Variants in PMPCA observed in about 807,000 individuals in gnomAD.
PMPCA encodes the protein mitochondrial-processing peptidase subunit alpha.
In PMPCA, 47 loss-of-function variants were observed where a neutral mutation model predicts 59.3. The ratio of observed to expected loss-of-function variants is 0.79; its 90% confidence interval spans 0.63 to 1.01. PMPCA has a LOEUF of 1.01. PMPCA is among the 50% of genes least tolerant of loss of function. The pLI is 0.00. For missense variants in PMPCA, 726 were observed against 704.5 expected, an observed-to-expected ratio of 1.03 and a Z score of -0.34; for synonymous variants, 338 against 290.3, an observed-to-expected ratio of 1.16 and a Z score of -1.67.
intron 6 of PMPCA, chr9:136,416,613 C>T (rs913258929): frequency 1.4e-5 from 9 of 625,722 alleles, no homozygotes; most frequent in Non-Finnish European, 1.7e-5. Context: ...TCCCAAGTAG[C>T]TGGGATTACA....
intron 2 of PMPCA, 115 bp from the exon 3 acceptor site, chr9:136,412,375 C>A (rs972068745): frequency 2.7e-6 from 2 of 747,576 alleles, no homozygotes; most frequent in Admixed American, 2.2e-5. Flanking sequence ...AGCACAATCA[C>A]CCTCATGTAA....
intron 5 of PMPCA, among the ~76,000 whole-genome samples, chr9:136,414,977 A>C (rs1193992706): frequency 6.6e-6 from 1 of 152,044 alleles, no homozygotes; most frequent in Admixed American, 6.6e-5. Context: ...AGTCCTAGCT[A>C]CTCGGGAGGC....
intron 11 of PMPCA, 71 bp downstream of exon 11, chr9:136,419,177 T>TGGCC: frequency 7.6e-7 from 1 of 1,316,264 alleles, no homozygotes; most frequent in East Asian, 2.3e-5. Flanking sequence ...GTTGTAGGAG[T>TGGCC]GGCCACCTGT....
chr9:136,417,537 A>G (rs1297119771), intron 7 of PMPCA, among the ~76,000 whole-genome samples: 1 of 150,748 alleles, frequency 6.6e-6, no homozygotes, highest in Non-Finnish European at 1.5e-5. Flanking sequence ...CAGTGGTGCA[A>G]TCTCGGCTTA....
At chr9:136,412,271 G>T in intron 2 of PMPCA, 72 bp downstream of exon 2, 1 of 1,110,370 alleles carries the variant, frequency 9.0e-7, no homozygotes, top group East Asian at 2.4e-5. Flanking sequence ...ACTGTTAGTT[G>T]TAATTAGCAT....
At chr9:136,410,858 G>C in intron 1 of PMPCA, 119 bp downstream of exon 1, 1 of 845,968 alleles carries the variant, frequency 1.2e-6, no homozygotes, top group Non-Finnish European at 1.6e-6. Flanking sequence ...CGCACTTCGG[G>C]ACACTGGTGT....
rs368447845 is a variant in PMPCA, at chr9:136,414,635, C to T, written c.520C>T (p.Pro174Ser). 5 of 1,610,252 alleles carry T rather than the reference C, an allele frequency of 3.1e-6. No individual in the cohort carries two copies. Among genetic ancestry groups the T allele is most frequent in the African/African-American group, 1.3e-5 (1 of 74,972 alleles). Residue 174 changes from proline (P) to serine (S), a missense_variant, in exon 5 of 13, where the codon CCC becomes TCC. Transcript: ENST00000371717. Reference protein sequence around the residue: ...VALLADVVLQPRLTDEEVEMT... With the variant: ...VALLADVVLQSRLTDEEVEMT... The stretch of plus-strand genomic sequence containing the variant: ...CTTACTGGCTGATGTGGTTCTGCAG[C>T]CCCGGCTAACAGGTGTGGATCCCAG...
At chr9:136,422,275 A>G in intron 12 of PMPCA, 1 of 1,308,698 alleles carries the variant, frequency 7.6e-7, no homozygotes, top group Non-Finnish European at 9.9e-7. Flanking sequence ...CACTCAAGTT[A>G]GTAGGCGAGA....
intron 4 of PMPCA, 98 bp downstream of exon 4, chr9:136,412,990 G>T: frequency 1.3e-6 from 1 of 779,210 alleles, no homozygotes. Context: ...AGCGGGAGGT[G>T]TGGAGATTCA....
chr9:136,417,693 A>G (rs1226904514), intron 7 of PMPCA, among the ~76,000 whole-genome samples: 1 of 151,680 alleles, frequency 6.6e-6, no homozygotes, highest in South Asian at 2.1e-4. Flanking sequence ...TGACCTCATG[A>G]TCTACCTGCC....
At chr9:136,414,436 G>A in intron 4 of PMPCA, 117 bp from the exon 5 acceptor site, 1 of 720,144 alleles carries the variant, frequency 1.4e-6, no homozygotes. Context: ...CTGTTGAGCA[G>A]AGTGTGAGCT....
chr9:136,416,487 G>A (rs1157941261), intron 6 of PMPCA, 96 bp downstream of exon 6: 1 of 853,718 alleles, frequency 1.2e-6, no homozygotes, highest in African/African-American at 1.6e-5. Flanking sequence ...TGTTGTCCTT[G>A]CAGGTTATGG....
At chr9:136,415,974 C>T (rs1835261726) in intron 5 of PMPCA, 1 of 417,636 alleles carries the variant, frequency 2.4e-6, no homozygotes, top group African/African-American at 2.0e-5. Flanking sequence ...GGTCTCGTGT[C>T]CTCACAGCAG....
In PMPCA at chr9:136,418,859, C is replaced by T; in HGVS notation, c.1141C>T (p.His381Tyr). ...CTGGATGTATAACGCGACCTCCTAC[C>T]ACCACAGCTACGAGGACACTGGCCT... ...HHWMYNATSY[H>Y]HSYEDTGLLC... Residue 381 changes from histidine to tyrosine, a missense_variant, in exon 10 of 13, where the codon CAC becomes TAC. By Grantham distance (83) the His-to-Tyr change is moderately conservative (BLOSUM62 2). Transcript: ENST00000371717. 6.2e-7 allele frequency: 1 copy of T among 1,613,412 alleles called. No individual in the cohort carries two copies. The highest frequency in any genetic ancestry group is 8.5e-7 in the Non-Finnish European group (1 of 1,179,920).
chr9:136,411,725 A>G (rs1398909176), intron 1 of PMPCA, among the ~76,000 whole-genome samples: 1 of 152,238 alleles, frequency 6.6e-6, no homozygotes. Context: ...TATGTGTACA[A>G]ACTGCACTTA....
At chr9:136,415,271 T>G (rs1048309503) in intron 5 of PMPCA, among the ~76,000 whole-genome samples, 12 of 152,188 alleles carry the variant, frequency 7.9e-5, no homozygotes, top group African/African-American at 2.9e-4. Context: ...CACTGGTGAT[T>G]GTAAAAGTCC....
At position 136,414,636 on chromosome 9, in the gene PMPCA, C is replaced by T. The variant is rs200013425; in HGVS notation, c.521C>T (p.Pro174Leu). 6.0e-5 allele frequency: 97 copies of T among 1,610,964 alleles called. No individual in the cohort carries two copies. The highest frequency in any genetic ancestry group is 1.7e-6 in the Non-Finnish European group (2 of 1,177,096). Residue 174 changes from proline (P) to leucine (L), a missense_variant, in exon 5 of 13, where the codon CCC becomes CTC. Pro to Leu is a moderately conservative substitution (Grantham distance 98). Coordinates refer to ENST00000371717, the MANE Select transcript of PMPCA (RefSeq NM_015160.3). Reference protein sequence around the residue: ...VALLADVVLQPRLTDEEVEMT... With the variant: ...VALLADVVLQLRLTDEEVEMT... ...TTACTGGCTGATGTGGTTCTGCAGC[C>T]CCGGCTAACAGGTGTGGATCCCAGC... is the stretch of plus-strand genomic sequence containing the variant.
At chr9:136,420,058 AT>A (rs1835405421) in intron 11 of PMPCA, 1 of 148,760 alleles carries the variant, frequency 6.7e-6, no homozygotes, top group African/African-American at 2.5e-5. Context: ...AGCTCACTGC[AT>A]CCTTCCACCT....
In PMPCA at chr9:136,418,431, C is replaced by T. The variant is rs75695773; in HGVS notation, c.991-124C>T. The T allele has an allele frequency of 1.8e-3, 1,254 of 713,426 alleles. 4 individuals are homozygous for T. The African/African-American group carries it at 0.019, about 11-fold the overall frequency. 44.2% of individuals were successfully genotyped at this position (713,426 alleles called of 1,614,324 possible). A position where few individuals can be genotyped will look rare whatever the true frequency, so the allele number is the denominator to read the frequency against. On this transcript the variant is annotated intron_variant, in intron 8 of 12. Coordinates refer to ENST00000371717, the MANE Select transcript of PMPCA (RefSeq NM_015160.3). Reference sequence around the variant, plus strand: ...AGCCAGCTCTGCCCTCCGTCCCTGGCGTCCAGCGGCGCTCCTGACGTGGCT... The same window carrying T: ...AGCCAGCTCTGCCCTCCGTCCCTGGTGTCCAGCGGCGCTCCTGACGTGGCT...
Sources: allele counts gnomAD v4.1 joint callset (sites outside exome capture counted in the v4.1 genomes callset), GRCh38; gene constraint gnomAD v4.1.1; transcripts MANE v1.5; gene names NCBI Gene and HGNC (gene_info 2026-07-23, HGNC 2026-07-21).